SCYL3: variants seen among roughly 807,000 people sequenced by gnomAD.
SCYL3 encodes protein-associating with the carboxyl-terminal domain of ezrin.
A neutral mutation model predicts 73.8 loss-of-function variants in SCYL3; 35 were observed. The observed-to-expected ratio is 0.47, with a 90% CI of 0.36 to 0.63. SCYL3 has a LOEUF of 0.63. Among genes scored for constraint, SCYL3 ranks in the 20% least tolerant of loss-of-function variants. SCYL3 has a pLI of 0.00. For missense variants in SCYL3, 712 were observed against 798.9 expected (o/e 0.89, Z 1.31); for synonymous variants, 277 against 295.2 (o/e 0.94, Z 0.63).
Position 169,853,610 on chromosome 1 carries a change from C to G in SCYL3, c.*103G>C. 8.1e-7 allele frequency: 1 copy of G among 1,230,462 alleles called. No individual in the cohort carries two copies. The highest frequency in any genetic ancestry group is 1.2e-6 in the Non-Finnish European group (1 of 859,102). 76.2% of individuals were successfully genotyped at this position (1,230,462 alleles called of 1,614,324 possible). On this transcript the variant is annotated 3_prime_UTR_variant, in exon 13 of 13. Transcript: ENST00000367771. ...TAATGAGCTCCTGGGATGGGAAAAG[C>G]AGGCCACTTTGGGGTTTTCTTGTCC...
chr1:169,853,948 C>A, intron 12 of SCYL3, 176 bp from the exon 13 acceptor site: 1 of 703,848 alleles, frequency 1.4e-6, no homozygotes. Context: ...GATTACAAAA[C>A]CATGGCACTG....
rs963092573 is a variant in SCYL3 at position 169,853,990 on chromosome 1, G to A, written c.2008-218C>T. The A allele has an allele frequency of 3.1e-5, 19 of 612,166 alleles. No individual in the cohort carries two copies. In the African/African-American group the frequency reaches 3.4e-4, roughly 11 times the overall value. The allele number at this position is 612,166 out of a possible 1,614,324, so 37.9% of individuals were successfully genotyped here. ...AGCTTTTCAAAAACCATAAAATCCA[G>A]TAAAAATCAGTGTGGATGACACCAA... On this transcript the variant is annotated intron_variant, in intron 12 of 12. Transcript: ENST00000367771.
intron 4 of SCYL3, 91 bp from the exon 5 acceptor site, chr1:169,873,843 C>T: frequency 1.3e-6 from 1 of 798,980 alleles, no homozygotes. Flanking sequence ...ATGAGCAATG[C>T]AAACAGCACC....
Position 169,853,056 on chromosome 1 carries a change from T to TAAC in SCYL3, c.*654_*656dup, listed in dbSNP as rs1034267323. 6.7e-7 allele frequency: 1 copy of TAAC among 1,484,898 alleles called. No individual in the cohort carries two copies. The highest frequency in any genetic ancestry group is 1.9e-5 in the Admixed American group (1 of 53,770). 92.0% of individuals were successfully genotyped at this position (1,484,898 alleles called of 1,614,324 possible). A position where few individuals can be genotyped will look rare whatever the true frequency, so the allele number is the denominator to read the frequency against. Reference sequence around the variant, plus strand: ...AAAATACTTATGTCTGTACATTTTCTAACAGATATAAAACAAATTTTGTAA... The same window carrying TAAC: ...AAAATACTTATGTCTGTACATTTTCTAACAACAGATATAAAACAAATTTTGTAA... On this transcript the variant is annotated 3_prime_UTR_variant, in exon 13 of 13. Coordinates refer to ENST00000367771, the MANE Select transcript of SCYL3 (RefSeq NM_020423.7).
Position 169,878,561 on chromosome 1 carries a change from T to C in SCYL3, c.351+73A>G, listed in dbSNP as rs1172983381. On this transcript the variant is annotated intron_variant, in intron 3 of 12. Transcript: ENST00000367771. ...TTCTATGAACACCATAATTTATAAG[T>C]ATTACCACACACATCACCCTCCCAC... 3.3e-6 allele frequency: 4 copies of C among 1,209,752 alleles called. No individual in the cohort carries two copies. The East Asian group carries it at 9.8e-5, about 30-fold the overall frequency. The allele number at this position is 1,209,752 out of a possible 1,614,324, so 74.9% of individuals were successfully genotyped here.
At chr1:169,869,559 C>A (rs971921242) in intron 6 of SCYL3, among the ~76,000 whole-genome samples, 11 of 152,190 alleles carry the variant, frequency 7.2e-5, no homozygotes, top group Non-Finnish European at 1.0e-4. Context: ...ACTGCATAAG[C>A]CTGGCAGAAT....
intron 5 of SCYL3, among the ~76,000 whole-genome samples, chr1:169,871,119 CA>C (rs1361841017): frequency 6.6e-6 from 1 of 152,142 alleles, no homozygotes; most frequent in African/African-American, 2.4e-5. Flanking sequence ...GGGTGACATA[CA>C]AGAAAGGACT....
chr1:169,852,835 T>C lies in SCYL3; in HGVS notation c.*878A>G. 6.2e-7 allele frequency: 1 copy of C among 1,613,986 alleles called. No individual in the cohort carries two copies. The highest frequency in any genetic ancestry group is 8.5e-7 in the Non-Finnish European group (1 of 1,179,958). On this transcript the variant is annotated 3_prime_UTR_variant, in exon 13 of 13. Coordinates refer to ENST00000367771, the MANE Select transcript of SCYL3 (RefSeq NM_020423.7). ...TCAGGAGTTCCCCTGGGAAGAAGAG[T>C]ACAGGTCAGCGCTGCATACAATAGC... is the stretch of plus-strand genomic sequence containing the variant.
intron 5 of SCYL3, 148 bp from the exon 6 acceptor site, chr1:169,870,505 T>C (rs1660317646): frequency 1.7e-6 from 1 of 599,608 alleles, no homozygotes; most frequent in African/African-American, 1.9e-5. Context: ...TTCTTAACAC[T>C]ATTAGTGAAT....
intron 1 of SCYL3, among the ~76,000 whole-genome samples, chr1:169,893,580 C>G (rs1396220705): frequency 1.3e-5 from 2 of 152,072 alleles, no homozygotes; most frequent in African/African-American, 4.8e-5. Flanking sequence ...GATTACAGGG[C>G]GCCCCACAAT....
At position 169,876,012 on chromosome 1, in the gene SCYL3, T is replaced by C; in HGVS notation, c.431A>G (p.Glu144Gly). Residue 144 changes from glutamate to glycine, a missense_variant, in exon 4 of 13, where the codon GAA (glutamate) becomes GGA (glycine). Glu to Gly is a moderately conservative substitution (Grantham distance 98). Transcript: ENST00000367771. ...GGCCTGAGAAACTTTACAAACAGTT[T>C]CCATTCCTCCTAGCTTCCAGTGTCC... ...EDGHWKLGGMETVCKVSQATP... is the reference protein window; with the variant it reads ...EDGHWKLGGMGTVCKVSQATP... 6.2e-7 allele frequency: 1 copy of C among 1,612,294 alleles called. No individual in the cohort carries two copies. Among genetic ancestry groups the C allele is most frequent in the Non-Finnish European group, 8.5e-7 (1 of 1,179,240 alleles).
In SCYL3 at chr1:169,875,960, G is replaced by A. The variant is rs778316727; in HGVS notation, c.465+18C>T. 37 of 1,530,702 alleles carry A rather than the reference G, an allele frequency of 2.4e-5. No individual in the cohort carries two copies. In the Middle Eastern group the frequency reaches 1.0e-3, roughly 42 times the overall value. 94.8% of individuals were successfully genotyped at this position (1,530,702 alleles called of 1,614,324 possible). ...TATTAAAAACCAAGTAAGGAAGGGG[G>A]GCTGTCCCCTGGCTTACCTCTGGTG... On this transcript the variant is annotated intron_variant, in intron 4 of 12. Coordinates refer to ENST00000367771, the MANE Select transcript of SCYL3 (RefSeq NM_020423.7).
intron 2 of SCYL3, among the ~76,000 whole-genome samples, chr1:169,886,927 A>C (rs2102212623): frequency 6.6e-6 from 1 of 152,320 alleles, no homozygotes; most frequent in South Asian, 2.1e-4. Context: ...GCTTGAAATA[A>C]TCGTTAAAAC....
In SCYL3 at chr1:169,854,835, G is replaced by A. The variant is rs755305422; in HGVS notation, c.1442C>T (p.Pro481Leu). The change falls in exon 12 of 13, where the codon CCT (proline) becomes CTT (leucine). Residue 481 changes from proline (P) to leucine (L), a missense_variant. By Grantham distance (98) the Pro-to-Leu change is moderately conservative. Around this residue, in one of 2 missense-constraint regions of SCYL3, gnomAD observed 370 missense variants for 350.8 expected, o/e 1.05. Transcript: ENST00000367771. ...KSEEWPDWSEPEEPENQTVNI... is the reference protein window; with the variant it reads ...KSEEWPDWSELEEPENQTVNI... ...GACAGTTTGATTTTCAGGCTCCTCA[G>A]GTTCACTCCAGTCAGGCCACTCCTC... 13 of 1,613,938 alleles carry A rather than the reference G, an allele frequency of 8.1e-6. No individual in the cohort carries two copies. The African/African-American group carries it at 1.6e-4, about 20-fold the overall frequency.
chr1:169,893,272 G>C (rs1662210637), intron 1 of SCYL3, among the ~76,000 whole-genome samples: 1 of 152,184 alleles, frequency 6.6e-6, no homozygotes. Context: ...GGAGCCAGCT[G>C]GGCCTTGGGG....
intron 5 of SCYL3, among the ~76,000 whole-genome samples, chr1:169,872,611 A>G (rs1660486753): frequency 6.6e-6 from 1 of 152,186 alleles, no homozygotes; most frequent in Non-Finnish European, 1.5e-5. Flanking sequence ...TGCCTGGAAA[A>G]GCTGCAGACA....
In SCYL3 at chr1:169,855,010, G is replaced by T. The variant is rs557793883; in HGVS notation, c.1313-46C>A. On this transcript the variant is annotated intron_variant, in intron 11 of 12. Coordinates refer to ENST00000367771, the MANE Select transcript of SCYL3 (RefSeq NM_020423.7). ...CTCATAAAATACTGGTTAAAGGTAA[G>T]AACTACACTTATGGGAAGGATAGCA... 3 of 1,347,840 alleles carry T rather than the reference G, an allele frequency of 2.2e-6. No individual in the cohort carries two copies. In the Admixed American group the frequency reaches 6.3e-5, roughly 28 times the overall value. 83.5% of individuals were successfully genotyped at this position (1,347,840 alleles called of 1,614,324 possible). A position where few individuals can be genotyped will look rare whatever the true frequency, so the allele number is the denominator to read the frequency against.
At chr1:169,865,721 C>A (rs534997397) in intron 8 of SCYL3, among the ~76,000 whole-genome samples, 1 of 152,348 alleles carries the variant, frequency 6.6e-6, no homozygotes, top group Admixed American at 6.5e-5. Context: ...ACTGCTGGAA[C>A]AGCTCTTGCT....
At position 169,852,889 on chromosome 1, in the gene SCYL3, C is replaced by T. The variant is rs1658592358; in HGVS notation, c.*824G>A. On this transcript the variant is annotated 3_prime_UTR_variant, in exon 13 of 13. Transcript: ENST00000367771. ...GGCTTTGGAAGCAACTGAGTCACTA[C>T]TCCAAAAGGGTCCTGCTCCAGCCTG... is the stretch of plus-strand genomic sequence containing the variant. 1 of 1,614,136 alleles carries T rather than the reference C, an allele frequency of 6.2e-7. No homozygotes were observed. Among genetic ancestry groups the T allele is most frequent in the Non-Finnish European group, 8.5e-7 (1 of 1,180,004 alleles).
Sources: gnomAD v4.1 joint callset for allele counts (sites outside exome capture counted in the v4.1 genomes callset) on GRCh38, gnomAD v4.1.1 for gene constraint, gnomAD v4.1.1 regional missense constraint, MANE v1.5 for transcripts, NCBI Gene and HGNC (gene_info 2026-07-23, HGNC 2026-07-21) for gene names.